Variants in TOP2B observed in about 807,000 individuals in gnomAD.
TOP2B encodes DNA topoisomerase II beta, also known as DNA topoisomerase 2-beta.
In TOP2B, 51 loss-of-function variants were observed where a neutral mutation model predicts 193.5. The observed-to-expected ratio is 0.26, with a 90% CI of 0.21 to 0.33. The LOEUF is 0.33. Ranked by LOEUF, TOP2B falls within the 10% of genes least tolerant of loss-of-function variation. The probability of loss-of-function intolerance (pLI) is 1.00; values close to 1 mark genes in which losing one functional copy is unlikely to be tolerated. For synonymous variants in TOP2B, 634 were observed against 635.7 expected (o/e 1.00, Z 0.04); for missense variants, 1,378 against 1,909.3 (o/e 0.72, Z 5.19).
intron 25 of TOP2B, among the ~76,000 whole-genome samples, chr3:25,617,414 A>C (rs1702532182): frequency 6.6e-6 from 1 of 152,170 alleles, no homozygotes; most frequent in Non-Finnish European, 1.5e-5. Context: ...TATTATCTTA[A>C]TATGTAATTG....
At position 25,598,226 on chromosome 3, in the gene TOP2B, A is replaced by AGAT. The variant is rs1246637289; in HGVS notation, c.*78_*80dup. 14 of 1,391,712 alleles carry AGAT rather than the reference A, an allele frequency of 1.0e-5. No individual in the cohort carries two copies. The highest frequency in any genetic ancestry group is 1.4e-5 in the African/African-American group (1 of 69,086). The allele number at this position is 1,391,712 out of a possible 1,614,324, so 86.2% of individuals were successfully genotyped here. On this transcript the variant is annotated 3_prime_UTR_variant, in exon 36 of 36. Coordinates refer to ENST00000264331, the MANE Select transcript of TOP2B (RefSeq NM_001330700.2). ...TTACATCATCACATTAAAATAAGCC[A>AGAT]GATGTACAAAAGTCTGAGACAGAGA...
In TOP2B at chr3:25,612,561, G is replaced by A; in HGVS notation, c.3740C>T (p.Thr1247Ile). The A allele has an allele frequency of 4.3e-6, 7 of 1,612,202 alleles. No homozygotes were observed. The highest frequency in any genetic ancestry group is 5.9e-6 in the Non-Finnish European group (7 of 1,179,206). ...TTTGCTGGCATCTGCCTTCATAGCT[G>A]TAATTTCAGGAATTATTCTTCTGCC... ...PYGRRIIPEI[T>I]AMKADASKKL... The change falls in exon 28 of 36, where the codon ACA (threonine) becomes ATA (isoleucine). Residue 1247 changes from threonine to isoleucine, a missense_variant. Thr to Ile is a moderately conservative substitution (Grantham distance 89). Transcript: ENST00000264331.
chr3:25,635,637 G>A (rs1396753398), intron 7 of TOP2B, among the ~76,000 whole-genome samples: 1 of 151,748 alleles, frequency 6.6e-6, no homozygotes, highest in Non-Finnish European at 1.5e-5. Context: ...GAAGAGAGGG[G>A]ATAGAAATTA....
chr3:25,628,901 C>T lies in TOP2B; in HGVS notation c.1852G>A (p.Glu618Lys), dbSNP rs750753876. ...LSFYSIPEFD[E>K]WKKHIENQKA... ...TGGTTTTCTATATGTTTTTTCCATT[C>T]GTCAAATTCAGGAATACTGTAGAAG... The change falls in exon 15 of 36, where the codon GAA becomes AAA. Residue 618 changes from glutamate to lysine, a missense_variant. Glu to Lys is a moderately conservative substitution (Grantham distance 56, BLOSUM62 1). Around this residue, in one of 9 missense-constraint regions of TOP2B, gnomAD observed 379 missense variants for 615.1 expected, o/e 0.62. Transcript: ENST00000264331. The T allele has an allele frequency of 3.8e-6, 6 of 1,597,506 alleles. No homozygotes were observed. The highest frequency in any genetic ancestry group is 1.2e-5 in the South Asian group (1 of 86,378).
chr3:25,635,656 C>T (rs754222216), intron 7 of TOP2B, among the ~76,000 whole-genome samples: 2 of 151,588 alleles, frequency 1.3e-5, no homozygotes, highest in Non-Finnish European at 2.9e-5. Context: ...TAAACCAATA[C>T]AAAAAGTGGA....
At chr3:25,639,757 C>T (rs1402502156) in intron 4 of TOP2B, among the ~76,000 whole-genome samples, 1 of 152,156 alleles carries the variant, frequency 6.6e-6, no homozygotes, top group Non-Finnish European at 1.5e-5. Flanking sequence ...GCATGGCATC[C>T]CTTGTATTTA....
Position 25,637,227 on chromosome 3 carries a change from G to C in TOP2B, c.627C>G (p.His209Gln). 1 of 1,554,134 alleles carries C rather than the reference G, an allele frequency of 6.4e-7. No individual in the cohort carries two copies. The highest frequency in any genetic ancestry group is 8.7e-7 in the Non-Finnish European group (1 of 1,147,024). Reference protein sequence around the residue: ...TVETACKEYKHSFKQTWMNNM... With the variant: ...TVETACKEYKQSFKQTWMNNM... ...GTTTCTAGCATACCTGCTTAAAACT[G>C]TGTTTGTATTCTTTGCAAGCTGTTT... Residue 209 changes from histidine to glutamine, a missense_variant, in exon 6 of 36, where the codon CAC becomes CAG. Physicochemically the swap from His to Gln is conservative, Grantham distance 24. Coordinates refer to ENST00000264331, the MANE Select transcript of TOP2B (RefSeq NM_001330700.2).
At chr3:25,663,928 G>C (rs1703996878) in intron 1 of TOP2B, among the ~76,000 whole-genome samples, 2 of 146,238 alleles carry the variant, frequency 1.4e-5, no homozygotes, top group Admixed American at 6.7e-5. Context: ...CCCCGGAAGA[G>C]TCTGGTTAAA....
chr3:25,664,419 C>G lies in TOP2B; in HGVS notation c.-122G>C, dbSNP rs1234783708. On this transcript the variant is annotated 5_prime_UTR_variant, in exon 1 of 36. Coordinates refer to ENST00000264331, the MANE Select transcript of TOP2B (RefSeq NM_001330700.2). ...CTCGCCGCACTCCTAGCCGCGCCGA[C>G]CCCCGCGCCCCATCGCGAAGATCCG... is the stretch of plus-strand genomic sequence containing the variant. The G allele has an allele frequency of 7.9e-7, 1 of 1,271,302 alleles. No individual in the cohort carries two copies. The highest frequency in any genetic ancestry group is 1.6e-5 in the African/African-American group (1 of 63,696). The allele number at this position is 1,271,302 out of a possible 1,614,324, so 78.8% of individuals were successfully genotyped here. A position where few individuals can be genotyped will look rare whatever the true frequency, so the allele number is the denominator to read the frequency against.
In TOP2B at chr3:25,609,652, C is replaced by G; in HGVS notation, c.3847G>C (p.Val1283Leu). ...EFDEEFSGAP[V>L]EGAGEEALTP... ...AATGCCTCTTCTCCTGCACCTTCTA[C>G]TGGTGCTCCACTGAATTCTTCATCA... The change falls in exon 29 of 36, where the codon GTA (valine) becomes CTA (leucine). Residue 1283 changes from valine to leucine, a missense_variant. Transcript: ENST00000264331. 6.4e-7 allele frequency: 1 copy of G among 1,561,930 alleles called. No individual in the cohort carries two copies. Among genetic ancestry groups the G allele is most frequent in the Non-Finnish European group, 8.6e-7 (1 of 1,156,866 alleles).
At chr3:25,632,671 C>T in intron 9 of TOP2B, 22 bp downstream of exon 9, 1 of 1,605,794 alleles carries the variant, frequency 6.2e-7, no homozygotes, top group South Asian at 1.1e-5. Flanking sequence ...GCATCATGTA[C>T]AATATATAAC....
chr3:25,609,253 C>T lies in TOP2B; in HGVS notation c.4023G>A (p.Lys1341=). Residue 1341 remains lysine (K), a synonymous_variant, in exon 30 of 36, where the codon AAG becomes AAA. Coordinates refer to ENST00000264331, the MANE Select transcript of TOP2B (RefSeq NM_001330700.2). ...CTGTTTCTTCCAAATCACTTTCTGACTTGGATTCATCATCTGACCAAGGAT... is the reference window on the plus strand; with the variant it reads ...CTGTTTCTTCCAAATCACTTTCTGATTTGGATTCATCATCTGACCAAGGAT... The part of the protein sequence containing the change: ...KRNPWSDDES[K]SESDLEETEP... 1 of 1,605,716 alleles carries T rather than the reference C, an allele frequency of 6.2e-7. No individual in the cohort carries two copies. Among genetic ancestry groups the T allele is most frequent in the Non-Finnish European group, 8.5e-7 (1 of 1,175,346 alleles).
rs1214501209 is a variant in TOP2B at position 25,607,327 on chromosome 3, T to C, written c.4142A>G (p.Asp1381Gly). Residue 1381 changes from aspartate to glycine, a missense_variant, in exon 31 of 36, where the codon GAT becomes GGT. This residue lies in a region of TOP2B where 556 missense variants were observed against 584.2 expected (regional missense o/e 0.95). Transcript: ENST00000264331. ...TFDFSEEEDDDADDDDDDNND... is the reference protein window; with the variant it reads ...TFDFSEEEDDGADDDDDDNND... ...ATTGTCATCATCATCATCATCAGCA[T>C]CATCATCCTCTTCTTCTGAGAAATC... is the stretch of plus-strand genomic sequence containing the variant. The C allele has an allele frequency of 8.4e-6, 13 of 1,552,420 alleles. No individual in the cohort carries two copies. The highest frequency in any genetic ancestry group is 1.1e-5 in the Non-Finnish European group (13 of 1,147,150).
At chr3:25,603,211 G>A (rs1157659144) in intron 33 of TOP2B, among the ~76,000 whole-genome samples, 1 of 152,084 alleles carries the variant, frequency 6.6e-6, no homozygotes, top group Non-Finnish European at 1.5e-5. Flanking sequence ...CTCATATGAA[G>A]ATTATTTTTT....
intron 18 of TOP2B, among the ~76,000 whole-genome samples, chr3:25,625,592 T>C (rs948779426): frequency 6.6e-6 from 1 of 152,198 alleles, no homozygotes; most frequent in Non-Finnish European, 1.5e-5. Context: ...TTATTTTTGT[T>C]TTTTGTTTGT....
chr3:25,642,277 C>A (rs1189029554), intron 4 of TOP2B, 45 bp downstream of exon 4: 1 of 1,216,874 alleles, frequency 8.2e-7, no homozygotes, highest in Non-Finnish European at 1.2e-6. Context: ...TGGGGACTAT[C>A]TGAATAAAAC....
At chr3:25,614,608 A>C (rs1199019698) in intron 27 of TOP2B, among the ~76,000 whole-genome samples, 2 of 151,964 alleles carry the variant, frequency 1.3e-5, no homozygotes, top group African/African-American at 4.8e-5. Context: ...ACAATAAATC[A>C]ACAAAGCAAC....
chr3:25,659,021 C>A (rs747885872), intron 1 of TOP2B, among the ~76,000 whole-genome samples: 10 of 152,330 alleles, frequency 6.6e-5, no homozygotes, highest in South Asian at 6.2e-4. Context: ...ATAATCAACA[C>A]AGAAAGCTCA....
chr3:25,627,061 G>GA, intron 16 of TOP2B, 126 bp downstream of exon 16: 1 of 760,164 alleles, frequency 1.3e-6, no homozygotes, highest in Non-Finnish European at 2.1e-6. Flanking sequence ...TCATCTGGGG[G>GA]AAAAATTAAA....
Sources: gnomAD v4.1 joint callset for allele counts (sites outside exome capture counted in the v4.1 genomes callset) on GRCh38, gnomAD v4.1.1 for gene constraint, gnomAD v4.1.1 regional missense constraint, MANE v1.5 for transcripts, NCBI Gene and HGNC (gene_info 2026-07-23, HGNC 2026-07-21) for gene names.